The following MYCBP2 variants were observed in gnomAD, a reference collection of about 807,000 sequenced individuals.
MYCBP2 encodes the protein MYC binding protein 2.
MYCBP2 carries 120 observed loss-of-function variants against 525.3 expected under a neutral mutation model. That is an observed-to-expected ratio of 0.23 (90% confidence interval 0.20 to 0.27). The LOEUF (loss-of-function observed/expected upper bound fraction) is 0.27, where lower values mean the gene tolerates loss of function less well. MYCBP2 is among the 10% of genes least tolerant of loss of function. The pLI is 1.00. For synonymous variants in MYCBP2, 1,894 were observed against 1,955.8 expected (o/e 0.97, Z 0.83); for missense variants, 4,149 against 5,657.1 (o/e 0.73, Z 8.55).
chr13:77,158,392 T>C (rs1467571468), intron 44 of MYCBP2, among the ~76,000 whole-genome samples: 3 of 152,152 alleles, frequency 2.0e-5, no homozygotes, highest in Non-Finnish European at 1.5e-5. Flanking sequence ...CCTCTATATG[T>C]TATGTCCTCA....
chr13:77,181,146 A>G (rs1014105955), intron 33 of MYCBP2, among the ~76,000 whole-genome samples: 5 of 152,152 alleles, frequency 3.3e-5, no homozygotes, highest in African/African-American at 1.2e-4. Context: ...AAATTTCAAG[A>G]AGTCACAGAG....
Position 77,065,981 on chromosome 13 carries a change from T to C in MYCBP2, c.12552+11A>G. 1 of 1,602,732 alleles carries C rather than the reference T, an allele frequency of 6.2e-7. No individual in the cohort carries two copies. The highest frequency in any genetic ancestry group is 8.5e-7 in the Non-Finnish European group (1 of 1,172,998). The stretch of plus-strand genomic sequence containing the variant: ...GCACTTCACTGCCAAAACAGAAGAA[T>C]GGGAACTTACTGCTGCCATATCCTT... On this transcript the variant is annotated intron_variant, in intron 72 of 82. Coordinates refer to ENST00000544440, the MANE Select transcript of MYCBP2 (RefSeq NM_015057.5).
At chr13:77,241,989 CAT>C (rs1292276409) in intron 17 of MYCBP2, among the ~76,000 whole-genome samples, 6 of 151,996 alleles carry the variant, frequency 3.9e-5, no homozygotes, top group Non-Finnish European at 8.8e-5. Context: ...GGAATAAAAT[CAT>C]AGACTTCCAT....
chr13:77,297,604 T>G, intron 1 of MYCBP2, among the ~76,000 whole-genome samples: 1 of 152,072 alleles, frequency 6.6e-6, no homozygotes, highest in East Asian at 1.9e-4. Context: ...CACTTGGAGG[T>G]AGACAATGTC....
intron 45 of MYCBP2, among the ~76,000 whole-genome samples, chr13:77,157,295 A>T (rs1170890652): frequency 6.6e-6 from 1 of 151,822 alleles, no homozygotes; most frequent in African/African-American, 2.4e-5. Flanking sequence ...GCACTGGCAC[A>T]ATCAAAGCAA....
Position 77,045,282 on chromosome 13 carries a change from G to C in MYCBP2, c.*96C>G, listed in dbSNP as rs1305861726. 1.4e-5 allele frequency: 10 copies of C among 692,790 alleles called. No homozygotes were observed. Among genetic ancestry groups the C allele is most frequent in the Non-Finnish European group, 2.5e-5 (10 of 402,748 alleles). The allele number at this position is 692,790 out of a possible 1,614,324, so 42.9% of individuals were successfully genotyped here. On this transcript the variant is annotated 3_prime_UTR_variant, in exon 83 of 83. Transcript: ENST00000544440. ...GGTTCATTTTCATGGATGTAAAAAT[G>C]GTCCCGTCCTTATCCTGAGCAGAGT...
intron 45 of MYCBP2, among the ~76,000 whole-genome samples, chr13:77,157,435 A>G (rs1203859614): frequency 6.6e-6 from 1 of 152,080 alleles, no homozygotes; most frequent in African/African-American, 2.4e-5. Flanking sequence ...TGTTGGCCAG[A>G]CTTGTCTTCA....
At chr13:77,140,381 A>G (rs2054421789) in intron 50 of MYCBP2, among the ~76,000 whole-genome samples, 1 of 152,246 alleles carries the variant, frequency 6.6e-6, no homozygotes. Flanking sequence ...TAAAGCTTAG[A>G]CAATTATATA....
Position 77,081,721 on chromosome 13 carries a change from T to C in MYCBP2, c.11194-70A>G. 6.5e-7 allele frequency: 1 copy of C among 1,533,576 alleles called. No individual in the cohort carries two copies. Among genetic ancestry groups the C allele is most frequent in the Non-Finnish European group, 8.8e-7 (1 of 1,135,278 alleles). The allele number at this position is 1,533,576 out of a possible 1,614,324, so 95.0% of individuals were successfully genotyped here. On this transcript the variant is annotated intron_variant, in intron 64 of 82. Coordinates refer to ENST00000544440, the MANE Select transcript of MYCBP2 (RefSeq NM_015057.5). The surrounding 1 kb of genome is among the most constrained non-coding windows in gnomAD (Gnocchi z 4.6). ...CTTTCGTGATGATAAAACAAACAGG[T>C]ATAAGATAAAACATAATGGAAGACA...
chr13:77,119,622 T>C (rs754795901), intron 55 of MYCBP2, among the ~76,000 whole-genome samples: 12 of 152,186 alleles, frequency 7.9e-5, no homozygotes, highest in Non-Finnish European at 1.6e-4. Flanking sequence ...TTACAGATAA[T>C]AAAGTTAGAT....
rs2058517492 is a variant in MYCBP2 at position 77,166,360 on chromosome 13, A to G, written c.6309T>C (p.Ser2103=). 6.2e-7 allele frequency: 1 copy of G among 1,613,824 alleles called. No homozygotes were observed. Among genetic ancestry groups the G allele is most frequent in the African/African-American group, 1.3e-5 (1 of 74,932 alleles). Reference sequence around the variant, plus strand: ...ACACCAAAACCATAGTAGGCCACCCAGAGGATCCTGAAAATTTCTTTAATT... The same window carrying G: ...ACACCAAAACCATAGTAGGCCACCCGGAGGATCCTGAAAATTTCTTTAATT... ...WIELKKFSGS[S]GWPTMVLVLP... Residue 2103 remains serine (S), a synonymous_variant, in exon 41 of 83, where the codon TCT becomes TCC. Coordinates refer to ENST00000544440, the MANE Select transcript of MYCBP2 (RefSeq NM_015057.5).
In MYCBP2 at chr13:77,088,988, A is replaced by C. The variant is rs1369698253; in HGVS notation, c.10569T>G (p.Ser3523=). 6.2e-7 allele frequency: 1 copy of C among 1,613,220 alleles called. No individual in the cohort carries two copies. The highest frequency in any genetic ancestry group is 1.3e-5 in the African/African-American group (1 of 74,890). ...SLLRHPSPEL[S]RLISAHSSLS... is the part of the protein sequence containing the mutation. Reference sequence around the variant, plus strand: ...GAGAGCTGTGGGCTGAGATTAGCCGAGAAAGCTCAGGAGACGGATGTCTCA... The same window carrying C: ...GAGAGCTGTGGGCTGAGATTAGCCGCGAAAGCTCAGGAGACGGATGTCTCA... Residue 3523 remains serine (S), a synonymous_variant, in exon 61 of 83, where the codon TCT becomes TCG. Transcript: ENST00000544440.
chr13:77,169,348 A>G (rs542317590), intron 39 of MYCBP2, among the ~76,000 whole-genome samples: 1 of 149,044 alleles, frequency 6.7e-6, no homozygotes, highest in South Asian at 2.1e-4. Context: ...GTGAGCGGAG[A>G]TCGCGCCACA....
At chr13:77,110,265 G>T (rs2048583345) in intron 55 of MYCBP2, among the ~76,000 whole-genome samples, 1 of 152,116 alleles carries the variant, frequency 6.6e-6, no homozygotes, top group East Asian at 1.9e-4. Context: ...CTGGGGGGAG[G>T]TCTATAAACG....
intron 4 of MYCBP2, among the ~76,000 whole-genome samples, chr13:77,277,570 C>CA (rs1418624311): frequency 6.6e-6 from 1 of 152,178 alleles, no homozygotes; most frequent in Non-Finnish European, 1.5e-5. Context: ...TTGGTTCTCA[C>CA]AGGTGGGTCC....
chr13:77,185,765 G>A (rs2060659027), intron 31 of MYCBP2, 106 bp downstream of exon 31: 1 of 796,266 alleles, frequency 1.3e-6, no homozygotes, highest in East Asian at 2.9e-5. Flanking sequence ...TTTAGAAGCA[G>A]CTTAAATGCA....
At chr13:77,169,808 T>C in intron 38 of MYCBP2, 94 bp from the exon 39 acceptor site, 1 of 1,071,370 alleles carries the variant, frequency 9.3e-7, no homozygotes, top group East Asian at 2.5e-5. Flanking sequence ...TCTGCTCTTT[T>C]GAGCGAAACT....
chr13:77,297,154 T>C (rs2078280072), intron 1 of MYCBP2, among the ~76,000 whole-genome samples: 1 of 152,234 alleles, frequency 6.6e-6, no homozygotes, highest in Non-Finnish European at 1.5e-5. Context: ...TACTTCATTA[T>C]CACATAGTCC....
rs781639331 is a variant in MYCBP2, at chr13:77,140,961, G to A, written c.7304-18C>T. 7 of 1,543,338 alleles carry A rather than the reference G, an allele frequency of 4.5e-6. No individual in the cohort carries two copies. The highest frequency in any genetic ancestry group is 6.2e-6 in the Non-Finnish European group (7 of 1,129,198). On this transcript the variant is annotated intron_variant, in intron 49 of 82. Coordinates refer to ENST00000544440, the MANE Select transcript of MYCBP2 (RefSeq NM_015057.5). Reference sequence around the variant, plus strand: ...ACCAGCATCTGTCAGAAAAATCAGAGAACTGTAACATTTGAGAAAAAAAGA... The same window carrying A: ...ACCAGCATCTGTCAGAAAAATCAGAAAACTGTAACATTTGAGAAAAAAAGA...
Sources: gnomAD v4.1 joint callset for allele counts (sites outside exome capture counted in the v4.1 genomes callset) on GRCh38, gnomAD v4.1.1 for gene constraint, Gnocchi (gnomAD v3.1) non-coding constraint, MANE v1.5 for transcripts, NCBI Gene and HGNC (gene_info 2026-07-23, HGNC 2026-07-21) for gene names.